The following FMN1 variants were observed in gnomAD, a reference collection of about 807,000 sequenced individuals.
FMN1 encodes the protein formin 1, also known as formin-1.
Under a neutral mutation model 132.4 loss-of-function variants are expected in FMN1, and 110 were observed. The ratio of observed to expected loss-of-function variants is 0.83; its 90% CI spans 0.71 to 0.97. The LOEUF (loss-of-function observed/expected upper bound fraction) is 0.97, where lower values mean the gene tolerates loss of function less well. Among genes scored for constraint, FMN1 ranks in the 50% least tolerant of loss-of-function variants. The pLI is 0.00. For missense variants in FMN1, 1,792 were observed against 1,705.3 expected (o/e 1.05, Z -0.90); for synonymous variants, 722 against 651.7 (o/e 1.11, Z -1.64).
At chr15:33,070,657 C>G (rs2037963818) in intron 5 of FMN1, among the ~76,000 whole-genome samples, 1 of 151,990 alleles carries the variant, frequency 6.6e-6, no homozygotes, top group Middle Eastern at 3.2e-3. Context: ...CCCCTTGGCT[C>G]TAGGTAAGTA....
chr15:33,033,241 A>C lies in FMN1; in HGVS notation c.2162-25166T>G, dbSNP rs886612167. Among the ~76,000 whole-genome samples, 3 of 152,112 alleles carry C rather than the reference A, an allele frequency of 2.0e-5. No individual in the cohort carries two copies. In the South Asian group the frequency reaches 6.2e-4, roughly 32 times the overall value. On this transcript the variant is annotated intron_variant, in intron 6 of 20. Transcript: ENST00000616417. ...GAGACGGGGTTTCACCGTGTTAGCC[A>C]GGATAGTCTTGATCTCCTGACCTTG...
At chr15:32,842,923 C>T (rs1008193189) in intron 17 of FMN1, among the ~76,000 whole-genome samples, 2 of 151,364 alleles carry the variant, frequency 1.3e-5, no homozygotes, top group Non-Finnish European at 1.5e-5. Context: ...GTCGGGAGAT[C>T]GGGGCCATCC....
In FMN1 at chr15:32,821,449, C is replaced by CTTTTTT. The variant is rs34336647; in HGVS notation, c.3929-17123_3929-17118dup. ...CTTTTTGACTAATAAATATTTAAATCTTTTTTTTTTTTTTTTTTTTGAGAT... is the reference window on the plus strand; with the variant it reads ...CTTTTTGACTAATAAATATTTAAATCTTTTTTTTTTTTTTTTTTTTTTTTTTGAGAT... On this transcript the variant is annotated intron_variant, in intron 17 of 20. Coordinates refer to ENST00000616417, the MANE Select transcript of FMN1 (RefSeq NM_001277313.2). Among the ~76,000 whole-genome samples the CTTTTTT allele has an allele frequency of 1.2e-3, 128 of 110,800 alleles. 2 individuals carry two copies. Among genetic ancestry groups the CTTTTTT allele is most frequent in the South Asian group, 0.011 (35 of 3,168 alleles). 72.7% of individuals were successfully genotyped at this position (110,800 alleles called of 152,430 possible).
chr15:32,859,585 T>TC (rs2059215957), intron 16 of FMN1, among the ~76,000 whole-genome samples: 1 of 152,234 alleles, frequency 6.6e-6, no homozygotes, highest in South Asian at 2.1e-4. Flanking sequence ...TTTGCATCTT[T>TC]CAAACATATC....
intron 5 of FMN1, among the ~76,000 whole-genome samples, chr15:33,073,370 A>G (rs148904592): frequency 0.019 from 2,844 of 152,336 alleles, 59 homozygotes; most frequent in South Asian, 0.091. Flanking sequence ...GTTTGAAACA[A>G]AAAGTAGAAA....
intron 4 of FMN1, among the ~76,000 whole-genome samples, chr15:33,115,605 A>T (rs1301295583): frequency 6.6e-6 from 1 of 151,522 alleles, no homozygotes; most frequent in Admixed American, 6.6e-5. Context: ...TTCTTCCACA[A>T]CCACAATACA....
At chr15:32,937,020 C>T (rs917553506) in intron 9 of FMN1, among the ~76,000 whole-genome samples, 1 of 152,126 alleles carries the variant, frequency 6.6e-6, no homozygotes, top group Non-Finnish European at 1.5e-5. Context: ...TCTTGGGCGG[C>T]CCTCTGAAAA....
At chr15:32,957,459 CTT>C (rs1013558732) in intron 9 of FMN1, among the ~76,000 whole-genome samples, 5 of 151,860 alleles carry the variant, frequency 3.3e-5, no homozygotes, top group Admixed American at 1.3e-4. Flanking sequence ...AGGGGAAACT[CTT>C]TATCTTTCAG....
chr15:32,966,486 G>A (rs1196074602), intron 8 of FMN1, among the ~76,000 whole-genome samples: 1 of 151,996 alleles, frequency 6.6e-6, no homozygotes, highest in East Asian at 1.9e-4. Flanking sequence ...AAGGCAGGGG[G>A]AGAGAGAGAG....
intron 9 of FMN1, among the ~76,000 whole-genome samples, chr15:32,953,601 C>T (rs954781281): frequency 6.6e-6 from 1 of 152,154 alleles, no homozygotes; most frequent in Non-Finnish European, 1.5e-5. Context: ...GTGGCCATAG[C>T]ACTGGGGTCC....
intron 7 of FMN1, among the ~76,000 whole-genome samples, chr15:32,993,124 G>A (rs1180664486): frequency 6.6e-6 from 1 of 151,824 alleles, no homozygotes; most frequent in Non-Finnish European, 1.5e-5. Flanking sequence ...CACCTGCTGA[G>A]GCCCCAGTGA....
chr15:32,922,539 T>G (rs549577168), intron 10 of FMN1, among the ~76,000 whole-genome samples: 112 of 152,288 alleles, frequency 7.4e-4, no homozygotes, highest in Middle Eastern at 3.4e-3. Context: ...GTGTAGGCTG[T>G]GTTAAGGAGA....
At chr15:32,870,694 A>G (rs1425870035) in intron 16 of FMN1, among the ~76,000 whole-genome samples, 2 of 152,194 alleles carry the variant, frequency 1.3e-5, no homozygotes, top group Non-Finnish European at 2.9e-5. Context: ...AGCATGAAAC[A>G]TATTCATTAA....
chr15:32,810,757 G>C (rs1322903412), intron 17 of FMN1: 1 of 219,884 alleles, frequency 4.5e-6, no homozygotes, highest in Non-Finnish European at 9.3e-6. Flanking sequence ...GCCCATCTGG[G>C]AGGCAGTAAA....
Position 32,893,230 on chromosome 15 carries a change from T to C in FMN1, c.3715-4938A>G, listed in dbSNP as rs567946121. On this transcript the variant is annotated intron_variant, in intron 15 of 20. Transcript: ENST00000616417. ...TACTACTTTAAAATGGAAGCAGTAC[T>C]CTCATCTGAGTGCCAAGATGGAACA... Among the ~76,000 whole-genome samples the C allele has an allele frequency of 7.9e-5, 12 of 152,354 alleles. No homozygotes were observed. The South Asian group carries it at 1.7e-3, about 21-fold the overall frequency.
intron 16 of FMN1, among the ~76,000 whole-genome samples, chr15:32,875,660 T>A (rs117885069): frequency 6.5e-4 from 99 of 152,260 alleles, no homozygotes; most frequent in Non-Finnish European, 1.1e-3. Flanking sequence ...AAAACTCCAG[T>A]CCCCTTTGCA....
intron 6 of FMN1, among the ~76,000 whole-genome samples, chr15:33,054,407 C>A (rs1241154358): frequency 6.6e-6 from 1 of 152,094 alleles, no homozygotes; most frequent in Non-Finnish European, 1.5e-5. Context: ...AAGTCCTCAA[C>A]TATGACTATG....
Position 32,871,343 on chromosome 15 carries a change from G to T in FMN1, c.3836-14236C>A, listed in dbSNP as rs1293078189. Among the ~76,000 whole-genome samples, 36 of 152,058 alleles carry T rather than the reference G, an allele frequency of 2.4e-4. 1 individual carries two copies. Among genetic ancestry groups the T allele is most frequent in the Admixed American group, 2.4e-3 (36 of 15,254 alleles). On this transcript the variant is annotated intron_variant, in intron 16 of 20. Coordinates refer to ENST00000616417, the MANE Select transcript of FMN1 (RefSeq NM_001277313.2). ...CCTTGCCCCTCCATCATTTTATGGG[G>T]GTTGCCTTACTTATATTTGATAAAG...
At chr15:32,855,157 TAAAAA>T (rs750275479) in intron 17 of FMN1, among the ~76,000 whole-genome samples, 11 of 85,534 alleles carry the variant, frequency 1.3e-4, no homozygotes, top group East Asian at 2.8e-4. Context: ...ACGTGGAGAG[TAAAAA>T]AAAAAAAAAA....
Sources: gnomAD v4.1 joint callset for allele counts (sites outside exome capture counted in the v4.1 genomes callset) on GRCh38, gnomAD v4.1.1 for gene constraint, MANE v1.5 for transcripts, NCBI Gene and HGNC (gene_info 2026-07-23, HGNC 2026-07-21) for gene names.